LIMS1: variants seen among roughly 807,000 people sequenced by gnomAD.
LIMS1 encodes LIM zinc finger domain containing 1, also known as LIM and senescent cell antigen-like-containing domain protein 1.
In LIMS1, 18 loss-of-function variants were observed where a neutral mutation model predicts 44.1. The ratio of observed to expected loss-of-function variants is 0.41; its 90% confidence interval spans 0.28 to 0.61. The LOEUF (loss-of-function observed/expected upper bound fraction) is 0.61, where lower values mean the gene tolerates loss of function less well. LIMS1 is among the 20% of genes least tolerant of loss of function. LIMS1 has a pLI of 0.32. For missense variants in LIMS1, 201 were observed against 422.0 expected (o/e 0.48, Z 4.59); for synonymous variants, 93 against 149.1 (o/e 0.62, Z 2.74).
intron 1 of LIMS1, among the ~76,000 whole-genome samples, chr2:108,631,190 T>C (rs1688901746): frequency 6.6e-6 from 1 of 152,212 alleles, no homozygotes; most frequent in Admixed American, 6.5e-5. Context: ...AGATTTTATT[T>C]TCTATACCTT....
intron 2 of LIMS1, among the ~76,000 whole-genome samples, chr2:108,670,406 A>G (rs980385984): frequency 1.3e-5 from 2 of 151,710 alleles, no homozygotes; most frequent in African/African-American, 4.8e-5. Context: ...ATCGACCTGA[A>G]AAATGTGGGA....
At chr2:108,579,309 A>T (rs1369926895) in intron 1 of LIMS1, among the ~76,000 whole-genome samples, 1 of 152,222 alleles carries the variant, frequency 6.6e-6, no homozygotes, top group Non-Finnish European at 1.5e-5. Context: ...CTCTTATAGT[A>T]AGTGGCATGA....
chr2:108,603,228 G>A (rs991676514), intron 1 of LIMS1, among the ~76,000 whole-genome samples: 1 of 152,146 alleles, frequency 6.6e-6, no homozygotes, highest in Admixed American at 6.5e-5. Context: ...TTCTTTAAAT[G>A]TCTGGTATAA....
chr2:108,578,038 T>C (rs1248026996), intron 1 of LIMS1, among the ~76,000 whole-genome samples: 1 of 152,116 alleles, frequency 6.6e-6, no homozygotes, highest in Non-Finnish European at 1.5e-5. Flanking sequence ...GCCTCCCGAG[T>C]AGCTGGGATT....
At chr2:108,659,951 A>G (rs826675) in intron 2 of LIMS1, 187 bp downstream of exon 2, 407,062 of 509,992 alleles carry the variant, frequency 0.8, 172,497 homozygotes, top group East Asian at 0.97. Context: ...GGGCAGTGGC[A>G]TGATTGGGAC....
intron 1 of LIMS1, among the ~76,000 whole-genome samples, chr2:108,541,788 T>C (rs1684325299): frequency 6.6e-6 from 1 of 152,176 alleles, no homozygotes; most frequent in Admixed American, 6.5e-5. Flanking sequence ...TGGAACAAAA[T>C]TGCCGCTTCT....
chr2:108,602,484 G>T (rs1687066228), intron 1 of LIMS1, among the ~76,000 whole-genome samples: 1 of 152,032 alleles, frequency 6.6e-6, no homozygotes, highest in Non-Finnish European at 1.5e-5. Context: ...TTTTTTGAGG[G>T]TTTTTTAAAA....
At chr2:108,586,224 A>C (rs1686096571) in intron 1 of LIMS1, among the ~76,000 whole-genome samples, 1 of 152,080 alleles carries the variant, frequency 6.6e-6, no homozygotes, top group African/African-American at 2.4e-5. Context: ...AACAAACAAA[A>C]AAAGAAAATG....
At chr2:108,668,009 A>G (rs1264749010) in intron 2 of LIMS1, among the ~76,000 whole-genome samples, 1 of 152,084 alleles carries the variant, frequency 6.6e-6, no homozygotes, top group Non-Finnish European at 1.5e-5. Flanking sequence ...GGTTGATCGA[A>G]TCCAAGGATG....
intron 1 of LIMS1, among the ~76,000 whole-genome samples, chr2:108,542,943 T>G (rs1479750469): frequency 1.3e-5 from 2 of 152,266 alleles, no homozygotes; most frequent in African/African-American, 4.8e-5. Flanking sequence ...ATTTGAACTC[T>G]TGGCTGTGCT....
intron 1 of LIMS1, among the ~76,000 whole-genome samples, chr2:108,554,116 G>T (rs1200947566): frequency 6.6e-6 from 1 of 152,098 alleles, no homozygotes; most frequent in African/African-American, 2.4e-5. Context: ...ATTTTCTCTG[G>T]GAAATCCATT....
chr2:108,548,850 A>G (rs971215030), intron 1 of LIMS1, among the ~76,000 whole-genome samples: 4 of 152,226 alleles, frequency 2.6e-5, no homozygotes, highest in Admixed American at 2.0e-4. Context: ...TACGAATATA[A>G]GGCTTGGGAA....
intron 1 of LIMS1, among the ~76,000 whole-genome samples, chr2:108,610,695 G>T (rs970405988): frequency 1.3e-5 from 2 of 152,096 alleles, no homozygotes; most frequent in Admixed American, 6.5e-5. Flanking sequence ...TTTAAACCAA[G>T]ATCTAAACAA....
In LIMS1 at chr2:108,583,973, C is replaced by T. The variant is rs142419389; in HGVS notation, c.32+49379C>T. ...CCTCCCAAAGTGCTGAGATTACAGG[C>T]GTGAACCACTGCACCTGGCTGTTGT... On this transcript the variant is annotated intron_variant, in intron 1 of 9. Transcript: ENST00000544547. 4.4e-3 allele frequency among the ~76,000 whole-genome samples: 670 copies of T among 152,180 alleles called. 4 individuals are homozygous for T. The highest frequency in any genetic ancestry group is 0.014 in the South Asian group (67 of 4,818).
chr2:108,663,061 A>G (rs3863927), intron 2 of LIMS1, among the ~76,000 whole-genome samples: 55,002 of 152,108 alleles, frequency 0.36, 11,848 homozygotes, highest in East Asian at 0.88. Context: ...ACCAGAACAT[A>G]TATCTGAAGA....
At chr2:108,561,785 A>G (rs1310123495) in intron 1 of LIMS1, among the ~76,000 whole-genome samples, 3 of 138,836 alleles carry the variant, frequency 2.2e-5, no homozygotes, top group African/African-American at 5.3e-5. Flanking sequence ...CTCTGTTGCC[A>G]GGCTGGAGTG....
chr2:108,621,461 G>A (rs1202053671), intron 1 of LIMS1: 1 of 1,549,738 alleles, frequency 6.5e-7, no homozygotes. Flanking sequence ...GAAGAGCTAA[G>A]GTGAGTGCAA....
chr2:108,631,167 C>T (rs1482953183), intron 1 of LIMS1, among the ~76,000 whole-genome samples: 1 of 152,206 alleles, frequency 6.6e-6, no homozygotes, highest in Non-Finnish European at 1.5e-5. Context: ...GACTTGGACT[C>T]TCATTTAACT....
chr2:108,679,147 G>A (rs1324817756), intron 8 of LIMS1, among the ~76,000 whole-genome samples: 2 of 151,822 alleles, frequency 1.3e-5, no homozygotes, highest in Non-Finnish European at 2.9e-5. Flanking sequence ...CATTTACATT[G>A]TACTAGGCAT....
Sources: gnomAD v4.1 joint callset for allele counts (sites outside exome capture counted in the v4.1 genomes callset) on GRCh38, gnomAD v4.1.1 for gene constraint, MANE v1.5 for transcripts, NCBI Gene and HGNC (gene_info 2026-07-23, HGNC 2026-07-21) for gene names.